Variants in LRP1B observed in about 807,000 individuals in gnomAD.
LRP1B encodes low-density lipoprotein receptor-related protein 1B.
A neutral mutation model predicts 556.6 loss-of-function variants in LRP1B; 217 were observed. The ratio of observed to expected loss-of-function variants is 0.39; its 90% CI spans 0.35 to 0.44. LRP1B has a LOEUF of 0.44. Ranked by LOEUF, LRP1B falls within the 20% of genes least tolerant of loss-of-function variation. The pLI is 1.00. For synonymous variants in LRP1B, 2,047 were observed against 1,865.8 expected, an observed-to-expected ratio of 1.10 and a Z score of -2.50; for missense variants, 5,053 against 5,620.8, an observed-to-expected ratio of 0.90 and a Z score of 3.23.
chr2:140,478,714 G>A (rs1391085364), intron 59 of LRP1B, among the ~76,000 whole-genome samples: 2 of 152,046 alleles, frequency 1.3e-5, no homozygotes, highest in Admixed American at 6.6e-5. Flanking sequence ...GAACTTAGGA[G>A]CTTTAATTAG....
At chr2:140,601,341 A>G in intron 42 of LRP1B, 109 bp downstream of exon 42, 1 of 1,004,428 alleles carries the variant, frequency 1.0e-6, no homozygotes, top group Non-Finnish European at 1.3e-6. Context: ...TGAAAATAAA[A>G]CTTCAAATAA....
chr2:141,149,728 G>A (rs1433303628), intron 7 of LRP1B, among the ~76,000 whole-genome samples: 1 of 152,120 alleles, frequency 6.6e-6, no homozygotes, highest in African/African-American at 2.4e-5. Flanking sequence ...AACATGATGA[G>A]AATTCTATAC....
intron 1 of LRP1B, among the ~76,000 whole-genome samples, chr2:141,939,802 T>C (rs1700742881): frequency 6.6e-6 from 1 of 152,078 alleles, no homozygotes; most frequent in African/African-American, 2.4e-5. Context: ...ACCATTGAAA[T>C]TGGCAAACAC....
chr2:141,224,058 C>T (rs1274752043), intron 6 of LRP1B, among the ~76,000 whole-genome samples: 1 of 152,084 alleles, frequency 6.6e-6, no homozygotes, highest in Non-Finnish European at 1.5e-5. Context: ...TAAAGAGCTT[C>T]TGCACAGTAA....
chr2:140,806,799 A>T (rs533970306), intron 32 of LRP1B, among the ~76,000 whole-genome samples: 81 of 152,324 alleles, frequency 5.3e-4, no homozygotes, highest in South Asian at 2.9e-3. Flanking sequence ...CAAAATACAG[A>T]TAAGCTATCA....
intron 23 of LRP1B, among the ~76,000 whole-genome samples, chr2:140,892,089 T>C (rs1693815987): frequency 6.6e-6 from 1 of 152,096 alleles, no homozygotes; most frequent in African/African-American, 2.4e-5. Flanking sequence ...TTTTACTAGA[T>C]TGTATTTAAG....
At chr2:140,481,134 G>A (rs1688221987) in intron 59 of LRP1B, among the ~76,000 whole-genome samples, 1 of 152,140 alleles carries the variant, frequency 6.6e-6, no homozygotes, top group Admixed American at 6.5e-5. Flanking sequence ...CCAAAGTACA[G>A]GAATTACAGG....
At chr2:140,282,361 T>G (rs1682950455) in intron 84 of LRP1B, among the ~76,000 whole-genome samples, 1 of 151,906 alleles carries the variant, frequency 6.6e-6, no homozygotes, top group East Asian at 1.9e-4. Context: ...ATAAATAAAC[T>G]GATGCACATA....
At chr2:140,349,709 G>A (rs551981352) in intron 77 of LRP1B, among the ~76,000 whole-genome samples, 2 of 152,096 alleles carry the variant, frequency 1.3e-5, no homozygotes, top group Admixed American at 6.6e-5. Flanking sequence ...CCATGTTACC[G>A]TAGAAGCAAT....
At chr2:141,043,866 T>C (rs2105436670) in intron 11 of LRP1B, among the ~76,000 whole-genome samples, 1 of 152,138 alleles carries the variant, frequency 6.6e-6, no homozygotes, top group South Asian at 2.1e-4. Flanking sequence ...TAAGATTCAA[T>C]GCCATCCCCA....
At chr2:140,315,159 A>G in intron 82 of LRP1B, 60 bp from the exon 83 acceptor site, 2 of 1,124,794 alleles carry the variant, frequency 1.8e-6, no homozygotes, top group Non-Finnish European at 2.5e-6. Flanking sequence ...TAATAAAATA[A>G]TTCAAATAGA....
At chr2:141,106,516 T>C (rs918275724) in intron 7 of LRP1B, among the ~76,000 whole-genome samples, 1 of 148,660 alleles carries the variant, frequency 6.7e-6, no homozygotes, top group Non-Finnish European at 1.5e-5. Context: ...ACAAAACTCC[T>C]TATCTGAAGA....
At chr2:141,821,843 A>T (rs1188961240) in intron 1 of LRP1B, among the ~76,000 whole-genome samples, 1 of 152,158 alleles carries the variant, frequency 6.6e-6, no homozygotes, top group African/African-American at 2.4e-5. Flanking sequence ...GAAAACTTGA[A>T]GAAGTACATT....
chr2:141,426,120 G>T (rs973253127), intron 3 of LRP1B, among the ~76,000 whole-genome samples: 2 of 152,028 alleles, frequency 1.3e-5, no homozygotes, highest in Admixed American at 1.3e-4. Flanking sequence ...AAGGGATCCA[G>T]TTTCAGCTTT....
At chr2:140,903,213 C>T in intron 22 of LRP1B, 48 bp from the exon 23 acceptor site, 2 of 1,580,580 alleles carry the variant, frequency 1.3e-6, no homozygotes, top group Non-Finnish European at 1.7e-6. Context: ...TTGCTTTCCT[C>T]AGTTAAATAC....
In LRP1B at chr2:141,362,257, T is replaced by G. The variant is rs539554175; in HGVS notation, c.344-107616A>C. The stretch of plus-strand genomic sequence containing the variant: ...TTTAAACTTGTTTTGGTCCTATTAA[T>G]AGGAAAAACCTTTCTATCCTTTTCC... On this transcript the variant is annotated intron_variant, in intron 3 of 90. Coordinates refer to ENST00000389484, the MANE Select transcript of LRP1B (RefSeq NM_018557.3). 3.3e-5 allele frequency among the ~76,000 whole-genome samples: 5 copies of G among 152,346 alleles called. No individual in the cohort carries two copies. The South Asian group carries it at 8.3e-4, about 25-fold the overall frequency.
At chr2:141,065,095 G>A (rs1028925520) in intron 7 of LRP1B, among the ~76,000 whole-genome samples, 1 of 151,732 alleles carries the variant, frequency 6.6e-6, no homozygotes, top group Non-Finnish European at 1.5e-5. Flanking sequence ...TTGTTATTTG[G>A]AATTTCAAAC....
At chr2:140,676,948 T>C (rs1389649586) in intron 41 of LRP1B, among the ~76,000 whole-genome samples, 1 of 152,252 alleles carries the variant, frequency 6.6e-6, no homozygotes, top group Non-Finnish European at 1.5e-5. Context: ...ATGTTTTTCA[T>C]ATCAAAATAT....
chr2:141,148,851 A>C (rs1701849897), intron 7 of LRP1B, among the ~76,000 whole-genome samples: 1 of 152,172 alleles, frequency 6.6e-6, no homozygotes, highest in African/African-American at 2.4e-5. Flanking sequence ...TGGGAGGCCG[A>C]GGCAGGCGGA....
Sources: gnomAD v4.1 joint callset for allele counts (sites outside exome capture counted in the v4.1 genomes callset) on GRCh38, gnomAD v4.1.1 for gene constraint, MANE v1.5 for transcripts, NCBI Gene and HGNC (gene_info 2026-07-23, HGNC 2026-07-21) for gene names.